The following DGKB variants were observed in gnomAD, a reference collection of about 807,000 sequenced individuals.
DGKB encodes 90 kDa diacylglycerol kinase.
A neutral mutation model predicts 114.3 loss-of-function variants in DGKB; 67 were observed. The ratio of observed to expected loss-of-function variants is 0.59; its 90% CI spans 0.48 to 0.72. DGKB has a LOEUF of 0.72. Ranked by LOEUF, DGKB falls within the 30% of genes least tolerant of loss-of-function variation. The pLI, the probability that DGKB is intolerant of heterozygous loss-of-function variation, is 0.00. For synonymous variants in DGKB, 398 were observed against 323.1 expected, an observed-to-expected ratio of 1.23 and a Z score of -2.49; for missense variants, 907 against 975.2, an observed-to-expected ratio of 0.93 and a Z score of 0.93.
At chr7:14,155,179 A>AAATG (rs1184231798) in intron 25 of DGKB, among the ~76,000 whole-genome samples, 1 of 152,134 alleles carries the variant, frequency 6.6e-6, no homozygotes, top group African/African-American at 2.4e-5. Context: ...CCAACTGAAT[A>AAATG]AATGAATGAA....
exon 1 of DGKB, chr7:14,974,777 T>G (rs1429615223): frequency 5.3e-5 from 8 of 152,156 alleles, no homozygotes; most frequent in Admixed American, 3.9e-4. Context: ...CTAATTTATG[T>G]ACAAAAGCAG....
In DGKB at chr7:14,884,441, A is replaced by C. The variant is rs145659833; in HGVS notation, c.-188+18151T>G. On this transcript the variant is annotated intron_variant, in intron 1 of 25. Transcript: ENST00000402815. ...AAATAAAATGGATAGGAAGCCATGGAAGATTGACCTTGTCCCTTACCTTGG... is the reference window on the plus strand; with the variant it reads ...AAATAAAATGGATAGGAAGCCATGGCAGATTGACCTTGTCCCTTACCTTGG... 2.2e-3 allele frequency among the ~76,000 whole-genome samples: 337 copies of C among 152,052 alleles called. 1 individual carries two copies. Among genetic ancestry groups the C allele is most frequent in the African/African-American group, 7.9e-3 (327 of 41,528 alleles).
intron 6 of DGKB, among the ~76,000 whole-genome samples, chr7:14,704,278 AC>A (rs1322638406): frequency 0.017 from 1,523 of 92,196 alleles, 11 homozygotes; most frequent in South Asian, 0.04. Flanking sequence ...TACTAAAAAT[AC>A]AAAAAAAAAA....
At chr7:14,869,508 T>C (rs572817235) in intron 1 of DGKB, among the ~76,000 whole-genome samples, 1 of 152,330 alleles carries the variant, frequency 6.6e-6, no homozygotes, top group South Asian at 2.1e-4. Flanking sequence ...TGTGCTATCA[T>C]GGTATTTTTT....
intron 21 of DGKB, among the ~76,000 whole-genome samples, chr7:14,451,442 A>G (rs1427965864): frequency 1.3e-5 from 2 of 152,016 alleles, no homozygotes; most frequent in African/African-American, 4.8e-5. Flanking sequence ...CTGGAACTAT[A>G]GCATCAGCTC....
At chr7:14,463,339 C>G (rs1833372557) in intron 21 of DGKB, among the ~76,000 whole-genome samples, 1 of 152,080 alleles carries the variant, frequency 6.6e-6, no homozygotes, top group Non-Finnish European at 1.5e-5. Context: ...ACATGTATAC[C>G]TATGTAACAA....
At chr7:14,824,827 A>C (rs1845433973) in intron 2 of DGKB, among the ~76,000 whole-genome samples, 1 of 151,502 alleles carries the variant, frequency 6.6e-6, no homozygotes, top group African/African-American at 2.4e-5. Context: ...TATTGATTAC[A>C]ATGTTACATA....
At chr7:14,696,501 C>CAAAAAAAAAAAAA (rs35486620) in intron 8 of DGKB, among the ~76,000 whole-genome samples, 1 of 45,060 alleles carries the variant, frequency 2.2e-5, no homozygotes, top group African/African-American at 6.1e-5. Flanking sequence ...GACTCCGTCT[C>CAAAAAAAAAAAAA]AAAAAAAAAA....
intron 21 of DGKB, among the ~76,000 whole-genome samples, chr7:14,421,839 C>A (rs1289353170): frequency 6.6e-6 from 1 of 151,928 alleles, no homozygotes; most frequent in Non-Finnish European, 1.5e-5. Context: ...AATGTAACTG[C>A]TGTTACTATT....
chr7:14,163,140 G>T (rs1233109500), intron 25 of DGKB, among the ~76,000 whole-genome samples: 1 of 152,122 alleles, frequency 6.6e-6, no homozygotes, highest in Admixed American at 6.6e-5. Context: ...GACACCTAAA[G>T]ATGACACCTT....
intron 2 of DGKB, among the ~76,000 whole-genome samples, chr7:14,802,678 C>G (rs985150023): frequency 2.6e-5 from 4 of 152,036 alleles, no homozygotes; most frequent in Non-Finnish European, 4.4e-5. Context: ...GAACCTACCA[C>G]AAAGATTTAA....
chr7:14,644,155 C>G (rs767742782), intron 13 of DGKB, among the ~76,000 whole-genome samples: 1 of 151,448 alleles, frequency 6.6e-6, no homozygotes, highest in Non-Finnish European at 1.5e-5. Flanking sequence ...CATTACTGTA[C>G]CTACCTAGAA....
At chr7:14,230,442 T>C (rs1030334735) in intron 23 of DGKB, among the ~76,000 whole-genome samples, 6 of 151,956 alleles carry the variant, frequency 3.9e-5, no homozygotes, top group Non-Finnish European at 8.8e-5. Flanking sequence ...AAAGCTGTTA[T>C]GGTAAAATTT....
chr7:14,478,448 T>C (rs961957787), intron 20 of DGKB, among the ~76,000 whole-genome samples: 1 of 151,964 alleles, frequency 6.6e-6, no homozygotes. Flanking sequence ...CACAATTGAT[T>C]ATTTGTTACA....
chr7:14,158,377 A>C (rs1584114836), intron 25 of DGKB, among the ~76,000 whole-genome samples: 1 of 152,306 alleles, frequency 6.6e-6, no homozygotes, highest in Admixed American at 6.5e-5. Flanking sequence ...ACCCAAAAGA[A>C]AGGTTAGAAA....
chr7:14,445,672 T>C (rs558159385), intron 21 of DGKB, among the ~76,000 whole-genome samples: 1 of 152,134 alleles, frequency 6.6e-6, no homozygotes, highest in South Asian at 2.1e-4. Context: ...TGCTCAATAA[T>C]GATTACAGTT....
intron 23 of DGKB, among the ~76,000 whole-genome samples, chr7:14,263,436 A>T (rs1797049424): frequency 6.6e-6 from 1 of 151,976 alleles, no homozygotes; most frequent in Non-Finnish European, 1.5e-5. Context: ...CCCACAACTC[A>T]TTTTCCAGCC....
In DGKB at chr7:14,209,184, AAC is replaced by A. The variant is rs1491458489; in HGVS notation, c.2123-31035_2123-31034del. 19 of 237,112 alleles carry A rather than the reference AAC, an allele frequency of 8.0e-5. No homozygotes were observed. In the African/African-American group the frequency reaches 1.1e-3, roughly 14 times the overall value. The allele number at this position is 237,112 out of a possible 1,614,324, so 14.7% of individuals were successfully genotyped here. A position where few individuals can be genotyped will look rare whatever the true frequency, so the allele number is the denominator to read the frequency against. On this transcript the variant is annotated intron_variant, in intron 23 of 25. Coordinates refer to ENST00000402815, the MANE Select transcript of DGKB (RefSeq NM_001350709.2). ...TATTACTACTGATAGAAAAAAAAAA[AAC>A]GCCAAATTTAAAAAACCATCACCAT...
At chr7:14,610,310 A>G (rs1413542117) in intron 16 of DGKB, among the ~76,000 whole-genome samples, 1 of 152,078 alleles carries the variant, frequency 6.6e-6, no homozygotes, top group Non-Finnish European at 1.5e-5. Context: ...CGAAATGTTA[A>G]GCAGCAGCTA....
Sources: gnomAD v4.1 joint callset for allele counts (sites outside exome capture counted in the v4.1 genomes callset) on GRCh38, gnomAD v4.1.1 for gene constraint, MANE v1.5 for transcripts, NCBI Gene and HGNC (gene_info 2026-07-23, HGNC 2026-07-21) for gene names.